Variants in NALF1 observed in about 807,000 individuals in gnomAD.
NALF1 encodes family with sequence similarity 155 member A.
NALF1 carries 3 observed loss-of-function variants against 48.4 expected under a neutral mutation model. That is an observed-to-expected ratio of 0.06 (90% CI 0.03 to 0.16). The LOEUF (loss-of-function observed/expected upper bound fraction) is 0.16, where lower values mean the gene tolerates loss of function less well. Among genes scored for constraint, NALF1 ranks in the 10% least tolerant of loss-of-function variants. The pLI is 1.00. For synonymous variants in NALF1, 262 were observed against 245.7 expected, an observed-to-expected ratio of 1.07 and a Z score of -0.62; for missense variants, 526 against 571.5, an observed-to-expected ratio of 0.92 and a Z score of 0.81.
chr13:107,680,827 TGA>T (rs1881279584), intron 1 of NALF1, among the ~76,000 whole-genome samples: 6 of 150,620 alleles, frequency 4.0e-5, no homozygotes, highest in Non-Finnish European at 8.9e-5. Flanking sequence ...TGTATGAGTG[TGA>T]ATGTGCATGA....
chr13:107,465,754 A>G (rs553577123), intron 1 of NALF1, among the ~76,000 whole-genome samples: 2 of 152,244 alleles, frequency 1.3e-5, no homozygotes, highest in African/African-American at 4.8e-5. Flanking sequence ...CTTGCTCACA[A>G]TTCTGAAATC....
intron 1 of NALF1, among the ~76,000 whole-genome samples, chr13:107,292,998 T>TTTTTTTTTC (rs1566476681): frequency 1.2e-3 from 43 of 35,978 alleles, no homozygotes; most frequent in Non-Finnish European, 2.2e-3. Flanking sequence ...TTTTCTTTTT[T>TTTTTTTTTC]TTTTTTTTTT....
chr13:107,314,700 G>A (rs995253125), intron 1 of NALF1, among the ~76,000 whole-genome samples: 1 of 152,046 alleles, frequency 6.6e-6, no homozygotes, highest in Non-Finnish European at 1.5e-5. Flanking sequence ...CATCCCACAG[G>A]GTTTCATTGT....
chr13:107,536,597 G>T (rs1876824223), intron 1 of NALF1, among the ~76,000 whole-genome samples: 1 of 152,166 alleles, frequency 6.6e-6, no homozygotes, highest in Non-Finnish European at 1.5e-5. Flanking sequence ...TGGAGAGGAT[G>T]TGGAGAAATA....
intron 1 of NALF1, among the ~76,000 whole-genome samples, chr13:107,804,965 C>T (rs1446766485): frequency 6.6e-6 from 1 of 152,096 alleles, no homozygotes; most frequent in Non-Finnish European, 1.5e-5. Context: ...ATTACATTTA[C>T]TGGGACTTAA....
chr13:107,835,715 A>C (rs1302596581), intron 1 of NALF1, among the ~76,000 whole-genome samples: 1 of 152,190 alleles, frequency 6.6e-6, no homozygotes, highest in Non-Finnish European at 1.5e-5. Flanking sequence ...TAGTGACAGG[A>C]AATGTGTGAA....
intron 1 of NALF1, among the ~76,000 whole-genome samples, chr13:107,258,330 C>T (rs927053420): frequency 6.6e-6 from 1 of 152,014 alleles, no homozygotes. Flanking sequence ...AAATGAACAT[C>T]GTTTTGTTTT....
chr13:107,243,350 C>T (rs1221779153), intron 1 of NALF1, among the ~76,000 whole-genome samples: 1 of 152,174 alleles, frequency 6.6e-6, no homozygotes, highest in Non-Finnish European at 1.5e-5. Context: ...CAGAGTGAGC[C>T]CCTGCCCTGG....
intron 1 of NALF1, among the ~76,000 whole-genome samples, chr13:107,768,661 A>G (rs1264886205): frequency 6.6e-6 from 1 of 152,214 alleles, no homozygotes; most frequent in Non-Finnish European, 1.5e-5. Flanking sequence ...GTAAGGGCAT[A>G]CAAAGTAATA....
At chr13:107,537,985 C>G (rs1229468606) in intron 1 of NALF1, among the ~76,000 whole-genome samples, 1 of 152,080 alleles carries the variant, frequency 6.6e-6, no homozygotes, top group Non-Finnish European at 1.5e-5. Context: ...TCACTGCACT[C>G]CAGCCTGGGC....
chr13:107,775,427 T>C (rs1457137441), intron 1 of NALF1, among the ~76,000 whole-genome samples: 1 of 151,286 alleles, frequency 6.6e-6, no homozygotes, highest in Non-Finnish European at 1.5e-5. Flanking sequence ...GGTGTATATG[T>C]GCCACATTTT....
chr13:107,475,024 G>A (rs1885157112), intron 1 of NALF1, among the ~76,000 whole-genome samples: 1 of 152,056 alleles, frequency 6.6e-6, no homozygotes, highest in African/African-American at 2.4e-5. Context: ...GGCCAGCAGG[G>A]TACAATATCT....
At chr13:107,679,395 C>T (rs2138493636) in intron 1 of NALF1, among the ~76,000 whole-genome samples, 1 of 152,232 alleles carries the variant, frequency 6.6e-6, no homozygotes, top group South Asian at 2.1e-4. Flanking sequence ...AATAGTTGCT[C>T]AATAAATATT....
intron 1 of NALF1, among the ~76,000 whole-genome samples, chr13:107,272,387 TG>T (rs1341497960): frequency 3.3e-5 from 2 of 60,852 alleles, no homozygotes; most frequent in African/African-American, 9.0e-5. Context: ...GCTAATTTTT[TG>T]TATTTTTAGT....
intron 1 of NALF1, among the ~76,000 whole-genome samples, chr13:107,326,408 ATT>A (rs1038765804): frequency 2.6e-5 from 4 of 152,146 alleles, no homozygotes; most frequent in African/African-American, 9.7e-5. Flanking sequence ...TACCAACTTT[ATT>A]AACGATTGAC....
At chr13:107,664,577 T>C (rs1325834738) in intron 1 of NALF1, among the ~76,000 whole-genome samples, 1 of 152,206 alleles carries the variant, frequency 6.6e-6, no homozygotes, top group Non-Finnish European at 1.5e-5. Context: ...CTTCAGTCTA[T>C]GAACCTCTGT....
intron 1 of NALF1, among the ~76,000 whole-genome samples, chr13:107,822,484 T>A (rs980960249): frequency 6.6e-5 from 10 of 151,726 alleles, no homozygotes; most frequent in Non-Finnish European, 1.0e-4. Flanking sequence ...TCCTGGAGAG[T>A]GAGGTACAGG....
chr13:107,244,205 G>A (rs1194492701), intron 1 of NALF1, among the ~76,000 whole-genome samples: 7 of 152,170 alleles, frequency 4.6e-5, no homozygotes, highest in Non-Finnish European at 1.0e-4. Context: ...AGAGAGCAAA[G>A]TTTGGAATTT....
intron 1 of NALF1, among the ~76,000 whole-genome samples, chr13:107,430,268 A>AT (rs202086025): frequency 5.1e-4 from 76 of 148,218 alleles, no homozygotes; most frequent in African/African-American, 1.5e-3. Context: ...GAGCTAAGAG[A>AT]TTTTTTTTTT....
Sources: gnomAD v4.1 joint callset for allele counts (sites outside exome capture counted in the v4.1 genomes callset) on GRCh38, gnomAD v4.1.1 for gene constraint, MANE v1.5 for transcripts, NCBI Gene and HGNC (gene_info 2026-07-23, HGNC 2026-07-21) for gene names.